Variants in IRF2BPL observed in about 807,000 individuals in gnomAD.
IRF2BPL encodes probable E3 ubiquitin-protein ligase IRF2BPL.
In IRF2BPL, 13 loss-of-function variants were observed where a neutral mutation model predicts 51.2. The ratio of observed to expected loss-of-function variants is 0.25; its 90% CI spans 0.17 to 0.40. The LOEUF is 0.40. IRF2BPL is among the 10% of genes least tolerant of loss of function. The pLI is 1.00. For synonymous variants in IRF2BPL, 768 were observed against 509.2 expected, an observed-to-expected ratio of 1.51 and a Z score of -6.84; for missense variants, 1,210 against 1,111.8, an observed-to-expected ratio of 1.09 and a Z score of -1.26.
rs898821893 is a variant in IRF2BPL, at chr14:77,026,501, T to A, written c.1292A>T (p.Tyr431Phe). The change falls in exon 1 of 1, where the codon TAC becomes TTC. Residue 431 changes from tyrosine to phenylalanine, a missense_variant. Coordinates refer to ENST00000238647, the MANE Select transcript of IRF2BPL (RefSeq NM_024496.4). Reference protein sequence around the residue: ...IEYPTGSGNVYSSASGVAKQM... With the variant: ...IEYPTGSGNVFSSASGVAKQM... ...CTTGGCCACACCAGATGCACTGGAG[T>A]ACACGTTGCCCGAGCCCGTGGGGTA... is the stretch of plus-strand genomic sequence containing the variant. 44 of 1,613,366 alleles carry A rather than the reference T, an allele frequency of 2.7e-5. No homozygotes were observed. The highest frequency in any genetic ancestry group is 3.6e-5 in the Non-Finnish European group (42 of 1,179,974).
chr14:77,027,451 TTG>T lies in IRF2BPL; in HGVS notation c.340_341del (p.Gln114ThrfsTer18). Reference sequence around the variant, plus strand: ...GCTGCTGCTGCTGCTGCTGCTGCTGTTGCTGCTGCTGCTGCTGCTGTTGCTGT... The same window carrying T: ...GCTGCTGCTGCTGCTGCTGCTGCTGTCTGCTGCTGCTGCTGCTGTTGCTGT... Reference protein sequence around the residue: ...QQQQQQQQQQQQQQQQQQQQQ... With the variant: ...QQQQQQQQQQXQQQQQQQQQQ... On this transcript the variant is annotated frameshift_variant, in exon 1 of 1. Coordinates refer to ENST00000238647, the MANE Select transcript of IRF2BPL (RefSeq NM_024496.4). LOFTEE classifies it high-confidence loss of function. 1 of 769,466 alleles carries T rather than the reference TTG, an allele frequency of 1.3e-6. No homozygotes were observed. The allele number at this position is 769,466 out of a possible 1,614,324, so 47.7% of individuals were successfully genotyped here. A position where few individuals can be genotyped will look rare whatever the true frequency, so the allele number is the denominator to read the frequency against.
chr14:77,025,335 T>C lies in IRF2BPL; in HGVS notation c.*67A>G, dbSNP rs951396258. On this transcript the variant is annotated 3_prime_UTR_variant, in exon 1 of 1. Coordinates refer to ENST00000238647, the MANE Select transcript of IRF2BPL (RefSeq NM_024496.4). ...TGAGGGGAGGGAGGGTCGAGTTGGG[T>C]TGGGGGAGGGGCCCTCAGGATTGGA... 3.7e-5 allele frequency: 44 copies of C among 1,198,764 alleles called. No homozygotes were observed. The highest frequency in any genetic ancestry group is 4.6e-5 in the Non-Finnish European group (40 of 865,180). The allele number at this position is 1,198,764 out of a possible 1,614,324, so 74.3% of individuals were successfully genotyped here.
chr14:77,025,935 C>T lies in IRF2BPL; in HGVS notation c.1858G>A (p.Gly620Ser), dbSNP rs1229764954. Residue 620 changes from glycine to serine, a missense_variant, in exon 1 of 1, where the codon GGT becomes AGT. Physicochemically the swap from Gly to Ser is moderately conservative, Grantham distance 56 (BLOSUM62 0). Transcript: ENST00000238647. ...ATGAGAGCGGCCATAGGGGACGGACCGTTCTGGGGGGCTGACTCAGGTGGG... is the reference window on the plus strand; with the variant it reads ...ATGAGAGCGGCCATAGGGGACGGACTGTTCTGGGGGGCTGACTCAGGTGGG... Reference protein sequence around the residue: ...TTPPESAPQNGPSPMAALMSV... With the variant: ...TTPPESAPQNSPSPMAALMSV... 1 of 1,609,268 alleles carries T rather than the reference C, an allele frequency of 6.2e-7. No individual in the cohort carries two copies. Among genetic ancestry groups the T allele is most frequent in the East Asian group, 2.2e-5 (1 of 44,648 alleles).
rs747040035 is a variant in IRF2BPL, at chr14:77,027,134, G to A, written c.659C>T (p.Ser220Leu). Residue 220 changes from serine (S) to leucine (L), a missense_variant, in exon 1 of 1, where the codon TCA (serine) becomes TTA (leucine). Transcript: ENST00000238647. Reference protein sequence around the residue: ...ELNRQSPNSSSAAASVASRRG... With the variant: ...ELNRQSPNSSLAAASVASRRG... ...CCGAGACGCCACCGACGCCGCCGCT[G>A]AAGAAGAATTGGGGCTCTGACGGTT... 6 of 1,612,488 alleles carry A rather than the reference G, an allele frequency of 3.7e-6. No homozygotes were observed. The Admixed American group carries it at 5.0e-5, about 13-fold the overall frequency.
Position 77,025,898 on chromosome 14 carries a change from T to C in IRF2BPL, c.1895A>G (p.Asp632Gly). Residue 632 changes from aspartate (D) to glycine (G), a missense_variant, in exon 1 of 1, where the codon GAT (aspartate) becomes GGT (glycine). Asp to Gly is a moderately conservative substitution (Grantham distance 94, BLOSUM62 -1). Transcript: ENST00000238647. ...SPMAALMSVA[D>G]TLGTAHSPKD... Reference sequence around the variant, plus strand: ...GGGCGAGTGCGCTGTGCCCAGAGTATCTGCCACCGACATGAGAGCGGCCAT... The same window carrying C: ...GGGCGAGTGCGCTGTGCCCAGAGTACCTGCCACCGACATGAGAGCGGCCAT... 6.2e-7 allele frequency: 1 copy of C among 1,611,936 alleles called. No individual in the cohort carries two copies. The highest frequency in any genetic ancestry group is 8.5e-7 in the Non-Finnish European group (1 of 1,179,588).
rs1189593877 is a variant in IRF2BPL at position 77,026,053 on chromosome 14, G to A, written c.1740C>T (p.Thr580=). The A allele has an allele frequency of 6.4e-7, 1 of 1,568,552 alleles. No homozygotes were observed. The highest frequency in any genetic ancestry group is 8.6e-7 in the Non-Finnish European group (1 of 1,159,960). The change falls in exon 1 of 1, where the codon ACC becomes ACT. Residue 580 remains threonine (T), a synonymous_variant. Transcript: ENST00000238647. ...MANQSEALKL[T]MSAGGFAAPG... ...GCGCCGCGAAGCCCCCGGCGGACAT[G>A]GTGAGCTTCAGCGCCTCGCTCTGGT... is the stretch of plus-strand genomic sequence containing the variant.
chr14:77,027,601 G>T lies in IRF2BPL; in HGVS notation c.192C>A (p.Phe64Leu). 6.3e-7 allele frequency: 1 copy of T among 1,593,724 alleles called. No homozygotes were observed. ...GCGGCCCGGGGGAGCGGCCGTCCTG[G>T]AAGCAGCCGTGCGCCCGCTTCAGCT... is the stretch of plus-strand genomic sequence containing the variant. ...ARQLKRAHGC[F>L]QDGRSPGPPP... The change falls in exon 1 of 1, where the codon TTC becomes TTA. Residue 64 changes from phenylalanine to leucine, a missense_variant. By Grantham distance (22) the Phe-to-Leu change is conservative. Coordinates refer to ENST00000238647, the MANE Select transcript of IRF2BPL (RefSeq NM_024496.4).
rs11287198 is a variant in IRF2BPL at position 77,024,972 on chromosome 14, CAAAAAAAAAAAAA to C, written c.*417_*429del. 1 of 4,092 alleles carries C rather than the reference CAAAAAAAAAAAAA, an allele frequency of 2.4e-4. No individual in the cohort carries two copies. The highest frequency in any genetic ancestry group is 1.9e-3 in the African/African-American group (1 of 538). 0.3% of individuals were successfully genotyped at this position (4,092 alleles called of 1,614,324 possible). On this transcript the variant is annotated 3_prime_UTR_variant, in exon 1 of 1. Coordinates refer to ENST00000238647, the MANE Select transcript of IRF2BPL (RefSeq NM_024496.4). ...TTTTAGGCAGCAACACTGGCCTTGG[CAAAAAAAAAAAAA>C]AAAAAAAAAAAGTCTTTTTCTTTTG...
rs369556741 is a variant in IRF2BPL at position 77,026,742 on chromosome 14, C to T, written c.1051G>A (p.Ala351Thr). 2.0e-5 allele frequency: 33 copies of T among 1,612,308 alleles called. No individual in the cohort carries two copies. The highest frequency in any genetic ancestry group is 2.6e-5 in the Non-Finnish European group (31 of 1,179,802). The change falls in exon 1 of 1, where the codon GCC becomes ACC. Residue 351 changes from alanine (A) to threonine (T), a missense_variant. Coordinates refer to ENST00000238647, the MANE Select transcript of IRF2BPL (RefSeq NM_024496.4). ...TCGCTCAGCTCGGCCAGGGCCTCGG[C>T]GTTGCGCTGCTTCTCCTTCAACTCG... The part of the protein sequence containing the change: ...ERELKEKQRN[A>T]EALAELSESL...
Position 77,025,528 on chromosome 14 carries a change from C to A in IRF2BPL, c.2265G>T (p.Glu755Asp), listed in dbSNP as rs1885085513. ...ESIKAQGATG[E>D]VYCPSGEKCP... ...ATTTCTCTCCGCTGGGGCAATACACCTCGCCGGTGGCCCCCTGGGCCTTGA... is the reference window on the plus strand; with the variant it reads ...ATTTCTCTCCGCTGGGGCAATACACATCGCCGGTGGCCCCCTGGGCCTTGA... Residue 755 changes from glutamate to aspartate, a missense_variant, in exon 1 of 1, where the codon GAG becomes GAT. By Grantham distance (45) the Glu-to-Asp change is conservative (BLOSUM62 2). Coordinates refer to ENST00000238647, the MANE Select transcript of IRF2BPL (RefSeq NM_024496.4). The A allele has an allele frequency of 6.2e-7, 1 of 1,613,870 alleles. No homozygotes were observed. The highest frequency in any genetic ancestry group is 1.7e-5 in the Admixed American group (1 of 59,952).
rs1309002740 is a variant in IRF2BPL at position 77,025,442 on chromosome 14, AAGAT to A, written c.2347_2350del (p.Ile783Ter). On this transcript the variant is annotated frameshift_variant, in exon 1 of 1. Coordinates refer to ENST00000238647, the MANE Select transcript of IRF2BPL (RefSeq NM_024496.4). LOFTEE classifies it high-confidence loss of function. ...CTTTTTCACTTTAACATCCCCAGCT[AAGAT>A]AGTCGCGATTTCGCCCTGCATGAAG... 1 of 1,591,302 alleles carries A rather than the reference AAGAT, an allele frequency of 6.3e-7. No homozygotes were observed. The highest frequency in any genetic ancestry group is 8.6e-7 in the Non-Finnish European group (1 of 1,168,506).
chr14:77,027,861 C>T lies in IRF2BPL; in HGVS notation c.-69G>A, dbSNP rs1183694760. ...CGCGGCGCCTTCTCCTCCGGGAGGA[C>T]TGGCCGGCTGGGGAGGGAGTCCGAC... On this transcript the variant is annotated 5_prime_UTR_variant, in exon 1 of 1. Transcript: ENST00000238647. 6 of 1,406,274 alleles carry T rather than the reference C, an allele frequency of 4.3e-6. No individual in the cohort carries two copies. Among genetic ancestry groups the T allele is most frequent in the African/African-American group, 3.0e-5 (2 of 67,194 alleles). The allele number at this position is 1,406,274 out of a possible 1,614,324, so 87.1% of individuals were successfully genotyped here.
chr14:77,028,594 G>A lies in IRF2BPL; in HGVS notation c.-802C>T. ...CTCGCGCGGCGCCTCGGCCCGGGTC[G>A]CATCCCTTCCCGCTCGTGCTCACGC... On this transcript the variant is annotated 5_prime_UTR_variant, in exon 1 of 1. An upstream open reading frame in the 5' UTR gains an earlier in-frame stop. Coordinates refer to ENST00000238647, the MANE Select transcript of IRF2BPL (RefSeq NM_024496.4). The A allele has an allele frequency of 2.6e-6, 1 of 385,320 alleles. No individual in the cohort carries two copies. Among genetic ancestry groups the A allele is most frequent in the Non-Finnish European group, 4.6e-6 (1 of 217,388 alleles). 23.9% of individuals were successfully genotyped at this position (385,320 alleles called of 1,614,324 possible). A position where few individuals can be genotyped will look rare whatever the true frequency, so the allele number is the denominator to read the frequency against.
In IRF2BPL at chr14:77,025,680, A is replaced by C. The variant is rs138620071; in HGVS notation, c.2113T>G (p.Ser705Ala). The C allele has an allele frequency of 6.4e-7, 1 of 1,560,874 alleles. No individual in the cohort carries two copies. Among genetic ancestry groups the C allele is most frequent in the Non-Finnish European group, 8.7e-7 (1 of 1,151,240 alleles). The change falls in exon 1 of 1, where the codon TCC becomes GCC. Residue 705 changes from serine to alanine, a missense_variant. Ser to Ala is a moderately conservative substitution (Grantham distance 99). Coordinates refer to ENST00000238647, the MANE Select transcript of IRF2BPL (RefSeq NM_024496.4). ...AGGGGTCCGCTGTTGGCCATGGGGG[A>C]ATCCGGAATGTTTTGGGGGTGCACT... ...DQVHPQNIPD[S>A]PMANSGPLCC... is the part of the protein sequence containing the mutation.
chr14:77,025,199 G>C lies in IRF2BPL; in HGVS notation c.*203C>G. Reference sequence around the variant, plus strand: ...CAAACCAGCTTATCCTTCAAATGAAGAAGTTACATACCTTTGTTTCAAAAT... The same window carrying C: ...CAAACCAGCTTATCCTTCAAATGAACAAGTTACATACCTTTGTTTCAAAAT... On this transcript the variant is annotated 3_prime_UTR_variant, in exon 1 of 1. Coordinates refer to ENST00000238647, the MANE Select transcript of IRF2BPL (RefSeq NM_024496.4). 1 of 441,856 alleles carries C rather than the reference G, an allele frequency of 2.3e-6. No homozygotes were observed. Among genetic ancestry groups the C allele is most frequent in the East Asian group, 3.4e-5 (1 of 29,616 alleles). The allele number at this position is 441,856 out of a possible 1,614,324, so 27.4% of individuals were successfully genotyped here. A position where few individuals can be genotyped will look rare whatever the true frequency, so the allele number is the denominator to read the frequency against.
chr14:77,026,424 A>C lies in IRF2BPL; in HGVS notation c.1369T>G (p.Phe457Val). The C allele has an allele frequency of 6.2e-7, 1 of 1,613,374 alleles. No homozygotes were observed. Among genetic ancestry groups the C allele is most frequent in the Non-Finnish European group, 8.5e-7 (1 of 1,179,982 alleles). The change falls in exon 1 of 1, where the codon TTC becomes GTC. Residue 457 changes from phenylalanine (F) to valine (V), a missense_variant. Physicochemically the swap from Phe to Val is conservative, Grantham distance 50 (BLOSUM62 -1). Transcript: ENST00000238647. ...TTCTTTTCGTACTCCAGGTACTTGAAACCCGAGGATAGGCCCCGGCCGAAG... is the reference window on the plus strand; with the variant it reads ...TTCTTTTCGTACTCCAGGTACTTGACACCCGAGGATAGGCCCCGGCCGAAG... The part of the protein sequence containing the change: ...KDFGRGLSSG[F>V]KYLEYEKKHG...
rs753484879 is a variant in IRF2BPL at position 77,027,595 on chromosome 14, G to A, written c.198C>T (p.Asp66=). 1.4e-5 allele frequency: 23 copies of A among 1,586,278 alleles called. No individual in the cohort carries two copies. Among genetic ancestry groups the A allele is most frequent in the Non-Finnish European group, 2.0e-5 (23 of 1,167,764 alleles). ...QLKRAHGCFQ[D]GRSPGPPPPV... Reference sequence around the variant, plus strand: ...GCGGCGGCGGCCCGGGGGAGCGGCCGTCCTGGAAGCAGCCGTGCGCCCGCT... The same window carrying A: ...GCGGCGGCGGCCCGGGGGAGCGGCCATCCTGGAAGCAGCCGTGCGCCCGCT... Residue 66 remains aspartate, a synonymous_variant, in exon 1 of 1, where the codon GAC becomes GAT. Coordinates refer to ENST00000238647, the MANE Select transcript of IRF2BPL (RefSeq NM_024496.4).
Position 77,027,984 on chromosome 14 carries a change from C to G in IRF2BPL, c.-192G>C, listed in dbSNP as rs1397733588. ...GGCGCAGCGCCTCGCCGTGGGGGCT[C>G]CACCGCCCGGGCAGCGGACGGGTTC... On this transcript the variant is annotated 5_prime_UTR_variant, in exon 1 of 1. Transcript: ENST00000238647. 8.0e-6 allele frequency: 5 copies of G among 625,252 alleles called. No homozygotes were observed. Among genetic ancestry groups the G allele is most frequent in the Non-Finnish European group, 1.0e-5 (4 of 396,834 alleles). 38.7% of individuals were successfully genotyped at this position (625,252 alleles called of 1,614,324 possible). A position where few individuals can be genotyped will look rare whatever the true frequency, so the allele number is the denominator to read the frequency against.
chr14:77,025,600 A>G lies in IRF2BPL; in HGVS notation c.2193T>C (p.Pro731=). 1 of 1,604,062 alleles carries G rather than the reference A, an allele frequency of 6.2e-7. No homozygotes were observed. The highest frequency in any genetic ancestry group is 8.5e-7 in the Non-Finnish European group (1 of 1,174,746). The change falls in exon 1 of 1, where the codon CCT becomes CCC. Residue 731 remains proline (P), a synonymous_variant. Transcript: ENST00000238647. The part of the protein sequence containing the change: ...RLEDTHFVQC[P]SVPSHKFCFP... ...AGCAAAATTTGTGGCTGGGGACGGA[A>G]GGGCACTGAACGAAATGCGTATCCT...
Sources: gnomAD v4.1 joint callset for allele counts on GRCh38, gnomAD v4.1.1 for gene constraint, MANE v1.5 for transcripts, NCBI Gene and HGNC (gene_info 2026-07-23, HGNC 2026-07-21) for gene names.